Variants in SIPA1L1 observed in about 807,000 individuals in gnomAD.
SIPA1L1 encodes signal-induced proliferation-associated 1-like protein 1.
A neutral mutation model predicts 162.7 loss-of-function variants in SIPA1L1; 26 were observed. That is an observed-to-expected ratio of 0.16 (90% CI 0.12 to 0.22). SIPA1L1 has a LOEUF of 0.22. SIPA1L1 is among the 10% of genes least tolerant of loss of function. SIPA1L1 has a pLI of 1.00. For synonymous variants in SIPA1L1, 829 were observed against 837.4 expected, an observed-to-expected ratio of 0.99 and a Z score of 0.17; for missense variants, 1,874 against 2,241.0, an observed-to-expected ratio of 0.84 and a Z score of 3.31.
intron 2 of SIPA1L1, among the ~76,000 whole-genome samples, chr14:71,483,785 G>A (rs1004972193): frequency 6.6e-6 from 1 of 152,158 alleles, no homozygotes; most frequent in African/African-American, 2.4e-5. Flanking sequence ...TCTTCATGTG[G>A]CCTTCAAGCC....
chr14:71,419,391 C>T (rs1345542686), intron 2 of SIPA1L1, among the ~76,000 whole-genome samples: 1 of 148,772 alleles, frequency 6.7e-6, no homozygotes, highest in Admixed American at 6.7e-5. Context: ...ACTTTCAGGG[C>T]TGTTCTGGCC....
chr14:71,548,720 A>AGTTTC (rs2055483149), intron 4 of SIPA1L1, among the ~76,000 whole-genome samples: 1 of 151,960 alleles, frequency 6.6e-6, no homozygotes, highest in African/African-American at 2.4e-5. Flanking sequence ...AACATGGTGA[A>AGTTTC]ACCCTGTCTC....
In SIPA1L1 at chr14:71,735,362, G is replaced by A; in HGVS notation, c.5094G>A (p.Gln1698=). Residue 1698 remains glutamine, a synonymous_variant, in exon 22 of 24, where the codon CAG becomes CAA. Coordinates refer to ENST00000381232, the MANE Select transcript of SIPA1L1 (RefSeq NM_001386936.1). ...AASNSDQLED[Q]ALAQMKPYSS... ...CCAACAGTGATCAGCTGGAGGACCA[G>A]GCTCTGGCCCAGATGAAGCCTTACA... 1 of 1,614,108 alleles carries A rather than the reference G, an allele frequency of 6.2e-7. No homozygotes were observed. Among genetic ancestry groups the A allele is most frequent in the Non-Finnish European group, 8.5e-7 (1 of 1,179,940 alleles).
intron 12 of SIPA1L1, among the ~76,000 whole-genome samples, chr14:71,680,831 C>T (rs2045732952): frequency 6.6e-6 from 1 of 152,040 alleles, no homozygotes; most frequent in Non-Finnish European, 1.5e-5. Context: ...ATCTAGAGGG[C>T]CTCGGGTCTT....
At chr14:71,334,006 T>C (rs2034832014) in intron 2 of SIPA1L1, among the ~76,000 whole-genome samples, 1 of 152,144 alleles carries the variant, frequency 6.6e-6, no homozygotes. Flanking sequence ...ACCGAGGTGT[T>C]TAGCCTGAGC....
Position 71,738,253 on chromosome 14 carries a change from C to T in SIPA1L1, c.5136C>T (p.Ser1712=). The T allele has an allele frequency of 1.2e-6, 2 of 1,611,968 alleles. No individual in the cohort carries two copies. Among genetic ancestry groups the T allele is most frequent in the East Asian group, 2.2e-5 (1 of 44,830 alleles). Residue 1712 remains serine (S), a synonymous_variant, in exon 23 of 24, where the codon TCC becomes TCT. Transcript: ENST00000381232. The part of the protein sequence containing the change: ...QMKPYSSSKD[S]SPTLASKVDQ... The stretch of plus-strand genomic sequence containing the variant: ...TTCTTGTTCCCAGCAGTAAAGACTC[C>T]TCTCCCACTCTGGCTTCTAAAGTGG...
chr14:71,478,401 T>A (rs1299418372), intron 2 of SIPA1L1, among the ~76,000 whole-genome samples: 1 of 152,192 alleles, frequency 6.6e-6, no homozygotes, highest in Non-Finnish European at 1.5e-5. Context: ...ATCTTTTTTT[T>A]AAAGTACAGT....
intron 2 of SIPA1L1, among the ~76,000 whole-genome samples, chr14:71,461,975 C>G (rs183690647): frequency 2.4e-4 from 36 of 152,306 alleles, no homozygotes; most frequent in Admixed American, 9.2e-4. Context: ...GCACTTGAGC[C>G]ACTTCCTCAT....
chr14:71,517,045 G>A (rs2051808706), intron 3 of SIPA1L1, among the ~76,000 whole-genome samples: 1 of 151,620 alleles, frequency 6.6e-6, no homozygotes, highest in Non-Finnish European at 1.5e-5. Context: ...TTTCTCAAGA[G>A]TTTTAATTGA....
chr14:71,539,516 C>CTGCCCT (rs1247862670), intron 4 of SIPA1L1, among the ~76,000 whole-genome samples: 1 of 152,190 alleles, frequency 6.6e-6, no homozygotes, highest in Non-Finnish European at 1.5e-5. Flanking sequence ...TGAAGAATCA[C>CTGCCCT]TGCCCTTTAT....
intron 20 of SIPA1L1, among the ~76,000 whole-genome samples, chr14:71,733,459 G>T (rs1430960188): frequency 2.0e-5 from 3 of 152,196 alleles, no homozygotes; most frequent in African/African-American, 7.2e-5. Flanking sequence ...GGAGATGATG[G>T]GAGGTTGTGA....
At chr14:71,597,301 C>A (rs981518720) in intron 5 of SIPA1L1, among the ~76,000 whole-genome samples, 1 of 152,004 alleles carries the variant, frequency 6.6e-6, no homozygotes, top group African/African-American at 2.4e-5. Context: ...CTTTCATAAT[C>A]GTTTTTTCTT....
intron 4 of SIPA1L1, among the ~76,000 whole-genome samples, chr14:71,577,763 GCT>G (rs1356706570): frequency 3.1e-5 from 3 of 95,448 alleles, no homozygotes; most frequent in African/African-American, 1.3e-4. Flanking sequence ...AAACGGTCTT[GCT>G]CTGTCACCCA....
At chr14:71,720,184 C>G (rs1365563562) in intron 17 of SIPA1L1, among the ~76,000 whole-genome samples, 1 of 152,136 alleles carries the variant, frequency 6.6e-6, no homozygotes, top group East Asian at 1.9e-4. Context: ...ATATTTATAT[C>G]TTTCTCCAGG....
At chr14:71,662,105 G>A (rs1285303644) in intron 10 of SIPA1L1, among the ~76,000 whole-genome samples, 2 of 152,270 alleles carry the variant, frequency 1.3e-5, no homozygotes, top group Non-Finnish European at 2.9e-5. Flanking sequence ...AATGTGTAAG[G>A]GTAATGTTCT....
chr14:71,624,314 T>C, intron 7 of SIPA1L1, 78 bp downstream of exon 7: 1 of 1,227,232 alleles, frequency 8.1e-7, no homozygotes, highest in Non-Finnish European at 1.1e-6. Flanking sequence ...TTAATGTTTC[T>C]TGTTTTGATG....
intron 2 of SIPA1L1, among the ~76,000 whole-genome samples, chr14:71,380,557 A>C (rs1368165527): frequency 6.6e-6 from 1 of 152,216 alleles, no homozygotes; most frequent in Non-Finnish European, 1.5e-5. Context: ...CTGGACAAAA[A>C]TTTGGTTTTA....
intron 2 of SIPA1L1, among the ~76,000 whole-genome samples, chr14:71,414,385 AAAAAACAAAAAC>A (rs750579976): frequency 3.0e-4 from 46 of 152,344 alleles, no homozygotes; most frequent in South Asian, 1.0e-3. Context: ...TCTCAGGGAA[AAAAAACAAAAAC>A]AAAAACAAAA....
At chr14:71,330,720 AACC>A in intron 2 of SIPA1L1, 1 of 868,102 alleles carries the variant, frequency 1.2e-6, no homozygotes, top group Non-Finnish European at 2.0e-6. Context: ...CAGGCAGGAA[AACC>A]ACCGGGTAGT....
Sources: gnomAD v4.1 joint callset for allele counts (sites outside exome capture counted in the v4.1 genomes callset) on GRCh38, gnomAD v4.1.1 for gene constraint, MANE v1.5 for transcripts, NCBI Gene and HGNC (gene_info 2026-07-23, HGNC 2026-07-21) for gene names.